Variants in EPHA5 observed in about 807,000 individuals in gnomAD.
EPHA5 encodes EPH receptor A5, also known as ephrin type-A receptor 5.
In EPHA5, 60 loss-of-function variants were observed where a neutral mutation model predicts 105.0. The ratio of observed to expected loss-of-function variants is 0.57; its 90% CI spans 0.46 to 0.71. The LOEUF is 0.71. Ranked by LOEUF, EPHA5 falls within the 30% of genes least tolerant of loss-of-function variation. EPHA5 has a pLI of 0.00. For missense variants in EPHA5, 1,218 were observed against 1,274.7 expected (o/e 0.96, Z 0.68); for synonymous variants, 513 against 449.1 (o/e 1.14, Z -1.80).
At chr4:65,477,717 T>G (rs1366207907) in intron 5 of EPHA5, among the ~76,000 whole-genome samples, 1 of 152,092 alleles carries the variant, frequency 6.6e-6, no homozygotes, top group African/African-American at 2.4e-5. Context: ...CCAGCCCACT[T>G]CATGTTCTTA....
At chr4:65,637,898 T>A (rs1747292805) in intron 2 of EPHA5, among the ~76,000 whole-genome samples, 1 of 152,040 alleles carries the variant, frequency 6.6e-6, no homozygotes, top group African/African-American at 2.4e-5. Flanking sequence ...TTACAGTAAG[T>A]CTGAGTTTAC....
intron 5 of EPHA5, among the ~76,000 whole-genome samples, chr4:65,465,189 G>A (rs1253926218): frequency 6.6e-6 from 1 of 152,012 alleles, no homozygotes; most frequent in Non-Finnish European, 1.5e-5. Context: ...TGTAATCCTA[G>A]CACTTTGGGA....
At chr4:65,389,591 G>T (rs901987762) in intron 8 of EPHA5, among the ~76,000 whole-genome samples, 3 of 151,950 alleles carry the variant, frequency 2.0e-5, no homozygotes, top group African/African-American at 7.3e-5. Context: ...TAGATTATTT[G>T]GTCTTTAATG....
At chr4:65,426,485 T>C (rs962544968) in intron 5 of EPHA5, among the ~76,000 whole-genome samples, 3 of 151,884 alleles carry the variant, frequency 2.0e-5, no homozygotes, top group Non-Finnish European at 4.4e-5. Context: ...TGCTTATTTC[T>C]TTACTTGTGT....
At chr4:65,351,746 G>A (rs534637973) in intron 12 of EPHA5, 148 bp from the exon 13 acceptor site, 40 of 691,328 alleles carry the variant, frequency 5.8e-5, no homozygotes, top group Admixed American at 4.9e-4. Flanking sequence ...AAAATGGTAG[G>A]AAGTATATGG....
chr4:65,631,112 G>C (rs139551039), intron 2 of EPHA5, among the ~76,000 whole-genome samples: 1 of 152,144 alleles, frequency 6.6e-6, no homozygotes, highest in East Asian at 1.9e-4. Flanking sequence ...TTTTCAAAGA[G>C]TGTTGTCATA....
At chr4:65,413,700 A>G (rs952561220) in intron 7 of EPHA5, among the ~76,000 whole-genome samples, 1 of 152,206 alleles carries the variant, frequency 6.6e-6, no homozygotes, top group Non-Finnish European at 1.5e-5. Context: ...GTTTAGGGCA[A>G]GTAAGTAACA....
At chr4:65,338,655 C>T (rs866004665) in intron 14 of EPHA5, among the ~76,000 whole-genome samples, 7 of 151,738 alleles carry the variant, frequency 4.6e-5, no homozygotes, top group Non-Finnish European at 1.0e-4. Context: ...AGAACTGGGT[C>T]CAGGTAATTA....
chr4:65,531,319 G>C (rs765260490), intron 3 of EPHA5, among the ~76,000 whole-genome samples: 1 of 151,076 alleles, frequency 6.6e-6, no homozygotes, highest in East Asian at 2.0e-4. Context: ...TTACAGGCGT[G>C]AGCCACCGCG....
At chr4:65,668,615 A>T (rs1031928923) in intron 1 of EPHA5, among the ~76,000 whole-genome samples, 1 of 151,956 alleles carries the variant, frequency 6.6e-6, no homozygotes, top group Admixed American at 6.6e-5. Context: ...AGGCGGACAG[A>T]GGGGCTGAGC....
At chr4:65,366,952 C>A in intron 9 of EPHA5, among the ~76,000 whole-genome samples, 1 of 150,296 alleles carries the variant, frequency 6.7e-6, no homozygotes, top group East Asian at 1.9e-4. Flanking sequence ...GGTAAATTCC[C>A]ACTAAAAGCT....
At chr4:65,476,591 G>A (rs6845672) in intron 5 of EPHA5, among the ~76,000 whole-genome samples, 8,486 of 152,150 alleles carry the variant, frequency 0.056, 778 homozygotes, top group African/African-American at 0.19. Flanking sequence ...AGCACGGAGT[G>A]AGAGGAGGGA....
chr4:65,583,192 A>G (rs1240166620), intron 3 of EPHA5, among the ~76,000 whole-genome samples: 1 of 151,600 alleles, frequency 6.6e-6, no homozygotes, highest in African/African-American at 2.4e-5. Context: ...TATTCTAAGG[A>G]GAGAGGAAAT....
At chr4:65,523,127 T>C (rs1019778731) in intron 3 of EPHA5, among the ~76,000 whole-genome samples, 2 of 152,000 alleles carry the variant, frequency 1.3e-5, no homozygotes, top group African/African-American at 4.8e-5. Flanking sequence ...TATATATTAT[T>C]TAATGTATGT....
chr4:65,544,256 C>A (rs773255243), intron 3 of EPHA5, among the ~76,000 whole-genome samples: 1 of 151,954 alleles, frequency 6.6e-6, no homozygotes, highest in Non-Finnish European at 1.5e-5. Context: ...AGCTTCTGCA[C>A]AGCAAAAGTA....
Position 65,591,845 on chromosome 4 carries a change from T to C in EPHA5, c.910+9796A>G, listed in dbSNP as rs553735012. On this transcript the variant is annotated intron_variant, in intron 3 of 16. Coordinates refer to ENST00000613740, the MANE Select transcript of EPHA5 (RefSeq NM_001281766.3). ...TTTTTCAGACAGCTTAACTAATACT[T>C]TTTTAGATACTAACTATTTAGTAAA... is the stretch of plus-strand genomic sequence containing the variant. Among the ~76,000 whole-genome samples the C allele has an allele frequency of 4.6e-5, 7 of 151,762 alleles. No individual in the cohort carries two copies. In the South Asian group the frequency reaches 1.4e-3, roughly 31 times the overall value.
chr4:65,543,040 C>T (rs4473699), intron 3 of EPHA5, among the ~76,000 whole-genome samples: 17,544 of 151,962 alleles, frequency 0.12, 1,446 homozygotes, highest in East Asian at 0.3. Context: ...GGTAAAAACT[C>T]TTAATAAACT....
At chr4:65,554,342 G>T (rs1272155733) in intron 3 of EPHA5, among the ~76,000 whole-genome samples, 2 of 149,792 alleles carry the variant, frequency 1.3e-5, no homozygotes, top group African/African-American at 4.9e-5. Context: ...TATGTACTTG[G>T]CTATAATTTT....
intron 8 of EPHA5, among the ~76,000 whole-genome samples, chr4:65,375,774 AACACACACACATACACACACACACAC>A (rs1718936830): frequency 8.1e-6 from 1 of 123,688 alleles, no homozygotes; most frequent in African/African-American, 3.3e-5. Flanking sequence ...ATAGCACAGA[AACACACACACATACACACACACACAC>A]ACACACACAC....
Sources: gnomAD v4.1 joint callset for allele counts (sites outside exome capture counted in the v4.1 genomes callset) on GRCh38, gnomAD v4.1.1 for gene constraint, MANE v1.5 for transcripts, NCBI Gene and HGNC (gene_info 2026-07-23, HGNC 2026-07-21) for gene names.